Variants in SNTG1 observed in about 807,000 individuals in gnomAD.
The protein encoded by SNTG1 is gamma-1-syntrophin.
A neutral mutation model predicts 74.7 loss-of-function variants in SNTG1; 39 were observed. That is an observed-to-expected ratio of 0.52 (90% CI 0.40 to 0.68). SNTG1 has a LOEUF of 0.68. Ranked by LOEUF, SNTG1 falls within the 30% of genes least tolerant of loss-of-function variation. SNTG1 has a pLI of 0.00. For synonymous variants in SNTG1, 254 were observed against 217.1 expected (o/e 1.17, Z -1.49); for missense variants, 685 against 609.5 (o/e 1.12, Z -1.30).
At chr8:50,496,671 T>G (rs2093907264) in intron 8 of SNTG1, among the ~76,000 whole-genome samples, 1 of 152,186 alleles carries the variant, frequency 6.6e-6, no homozygotes, top group Admixed American at 6.6e-5. Flanking sequence ...AACACATAAA[T>G]ATCTATTTGA....
intron 13 of SNTG1, among the ~76,000 whole-genome samples, chr8:50,646,451 G>C (rs1262859971): frequency 6.6e-6 from 1 of 152,158 alleles, no homozygotes; most frequent in Non-Finnish European, 1.5e-5. Flanking sequence ...TTAGCATGCT[G>C]TCCTTCTTCA....
intron 1 of SNTG1, among the ~76,000 whole-genome samples, chr8:50,056,901 C>G (rs1035756386): frequency 6.6e-6 from 1 of 152,170 alleles, no homozygotes; most frequent in Non-Finnish European, 1.5e-5. Context: ...AGCAAGCCAG[C>G]AAATCCTCAC....
rs1049796096 is a variant in SNTG1 at position 50,793,726 on chromosome 8, G to T, written c.*897G>T. 2.6e-5 allele frequency: 4 copies of T among 151,820 alleles called. No homozygotes were observed. The highest frequency in any genetic ancestry group is 5.9e-5 in the Non-Finnish European group (4 of 67,872). The allele number at this position is 151,820 out of a possible 1,614,324, so 9.4% of individuals were successfully genotyped here. ...AATAATATAAACAAATATGGTGTGA[G>T]AAACAATTCTTTGTAATCCGAAGTC... On this transcript the variant is annotated 3_prime_UTR_variant, in exon 19 of 19. Coordinates refer to ENST00000642720, the MANE Select transcript of SNTG1 (RefSeq NM_018967.5).
intron 18 of SNTG1, among the ~76,000 whole-genome samples, chr8:50,777,738 C>T (rs535531580): frequency 4.2e-4 from 63 of 150,722 alleles, no homozygotes; most frequent in African/African-American, 1.5e-3. Flanking sequence ...TTGTAGGGTA[C>T]ATGTGCACAA....
chr8:49,910,211 G>T (rs1805511329), upstream of SNTG1, among the ~76,000 whole-genome samples: 2 of 152,154 alleles, frequency 1.3e-5, no homozygotes, highest in Non-Finnish European at 1.5e-5. Flanking sequence ...CTGAGAAGTC[G>T]CCGGGGAAGG....
intron 1 of SNTG1, among the ~76,000 whole-genome samples, chr8:50,089,444 G>T (rs1432744057): frequency 4.0e-5 from 6 of 151,048 alleles, no homozygotes; most frequent in Admixed American, 2.6e-4. Flanking sequence ...CATAGCAAAA[G>T]AAACTACCAT....
chr8:50,313,978 A>G (rs1358428989), intron 2 of SNTG1, among the ~76,000 whole-genome samples: 1 of 149,834 alleles, frequency 6.7e-6, no homozygotes, highest in Non-Finnish European at 1.5e-5. Context: ...TAAAAGATTT[A>G]TCAGTATTTA....
At position 50,379,218 on chromosome 8, in the gene SNTG1, C is replaced by T. The variant is rs562515967; in HGVS notation, c.-27-14994C>T. Among the ~76,000 whole-genome samples the T allele has an allele frequency of 2.0e-4, 31 of 152,278 alleles. No individual in the cohort carries two copies. In the South Asian group the frequency reaches 3.9e-3, roughly 19 times the overall value. ...AGCATGTGAACAGCTGGGTGGGCTTCGACGGCATCTGGGCTTGGCCCCGAC... is the reference window on the plus strand; with the variant it reads ...AGCATGTGAACAGCTGGGTGGGCTTTGACGGCATCTGGGCTTGGCCCCGAC... On this transcript the variant is annotated intron_variant, in intron 2 of 18. Coordinates refer to ENST00000642720, the MANE Select transcript of SNTG1 (RefSeq NM_018967.5).
chr8:50,690,829 C>T (rs199518459), intron 15 of SNTG1, among the ~76,000 whole-genome samples: 3 of 151,718 alleles, frequency 2.0e-5, no homozygotes, highest in African/African-American at 7.3e-5. Context: ...CGTTGATCTG[C>T]CTAATGTTGA....
intron 2 of SNTG1, among the ~76,000 whole-genome samples, chr8:50,330,039 C>A (rs952070139): frequency 6.6e-6 from 1 of 152,158 alleles, no homozygotes; most frequent in Admixed American, 6.5e-5. Flanking sequence ...CCACCTCAGC[C>A]TGGACTTCAT....
At chr8:50,202,585 T>C (rs1222515236) in intron 2 of SNTG1, among the ~76,000 whole-genome samples, 1 of 152,170 alleles carries the variant, frequency 6.6e-6, no homozygotes, top group Non-Finnish European at 1.5e-5. Context: ...AGTTTTTTTA[T>C]CCATTTGCTT....
intron 2 of SNTG1, among the ~76,000 whole-genome samples, chr8:50,316,295 G>T (rs2090316936): frequency 6.6e-6 from 1 of 152,092 alleles, no homozygotes. Flanking sequence ...ATGAAAGTTG[G>T]GTGCATATTC....
rs540241709 is a variant in SNTG1 at position 49,960,787 on chromosome 8, G to T, written c.-103+48556G>T. On this transcript the variant is annotated intron_variant, in intron 1 of 18. Coordinates refer to ENST00000642720, the MANE Select transcript of SNTG1 (RefSeq NM_018967.5). ...AAAGCCCATGTGACTCTCTGAGTCT[G>T]TATTTACCTCAGATAGAGACAATAG... is the stretch of plus-strand genomic sequence containing the variant. Among the ~76,000 whole-genome samples, 5 of 152,216 alleles carry T rather than the reference G, an allele frequency of 3.3e-5. No individual in the cohort carries two copies. In the South Asian group the frequency reaches 1.0e-3, roughly 32 times the overall value.
At chr8:50,188,264 C>T (rs1329922089) in intron 2 of SNTG1, among the ~76,000 whole-genome samples, 1 of 152,164 alleles carries the variant, frequency 6.6e-6, no homozygotes, top group Non-Finnish European at 1.5e-5. Flanking sequence ...GTGAACCATA[C>T]AGGCAAGCCA....
At chr8:50,237,331 T>C (rs1472823940) in intron 2 of SNTG1, among the ~76,000 whole-genome samples, 1 of 152,202 alleles carries the variant, frequency 6.6e-6, no homozygotes, top group Non-Finnish European at 1.5e-5. Flanking sequence ...GGTTCCATTA[T>C]TTTTGGCAAG....
intron 13 of SNTG1, chr8:50,644,539 A>G (rs925956170): frequency 6.6e-6 from 1 of 152,230 alleles, no homozygotes; most frequent in African/African-American, 2.4e-5. Context: ...TATATTACAT[A>G]TAACTAATAA....
At chr8:50,081,031 A>T (rs1392287741) in intron 1 of SNTG1, among the ~76,000 whole-genome samples, 1 of 152,142 alleles carries the variant, frequency 6.6e-6, no homozygotes, top group Admixed American at 6.5e-5. Flanking sequence ...TGTCATGATT[A>T]TCTATGTATA....
chr8:50,706,399 A>G (rs1027226281), intron 16 of SNTG1, among the ~76,000 whole-genome samples: 1 of 152,248 alleles, frequency 6.6e-6, no homozygotes, highest in East Asian at 1.9e-4. Flanking sequence ...TGAAATTTAT[A>G]TTTTTAGGTT....
At chr8:50,630,559 G>A (rs1175644585) in intron 13 of SNTG1, among the ~76,000 whole-genome samples, 1 of 152,152 alleles carries the variant, frequency 6.6e-6, no homozygotes, top group Non-Finnish European at 1.5e-5. Context: ...CTTAACAGGT[G>A]TGAATAGCAC....
Sources: allele counts gnomAD v4.1 joint callset (sites outside exome capture counted in the v4.1 genomes callset), GRCh38; gene constraint gnomAD v4.1.1; transcripts MANE v1.5; gene names NCBI Gene and HGNC (gene_info 2026-07-23, HGNC 2026-07-21).